The following DCC variants were observed in gnomAD, a reference collection of about 807,000 sequenced individuals.
The protein encoded by DCC is netrin receptor DCC.
A neutral mutation model predicts 172.5 loss-of-function variants in DCC; 58 were observed. That is an observed-to-expected ratio of 0.34 (90% CI 0.27 to 0.42). The LOEUF (loss-of-function observed/expected upper bound fraction) is 0.42. Ranked by LOEUF, DCC falls within the 10% of genes least tolerant of loss-of-function variation. The probability of loss-of-function intolerance (pLI) is 1.00; values close to 1 mark genes in which losing one functional copy is unlikely to be tolerated. For synonymous variants in DCC, 709 were observed against 644.5 expected, an observed-to-expected ratio of 1.10 and a Z score of -1.52; for missense variants, 1,740 against 1,791.0, an observed-to-expected ratio of 0.97 and a Z score of 0.51.
intron 1 of DCC, among the ~76,000 whole-genome samples, chr18:52,677,365 G>C (rs1034988126): frequency 2.0e-5 from 3 of 152,070 alleles, no homozygotes; most frequent in African/African-American, 7.2e-5. Context: ...TGTTCTTGAG[G>C]CTGTTGTGAG....
rs2042766138 is a variant in DCC at position 53,079,278 on chromosome 18, C to T, written c.1261+13112C>T. Reference sequence around the variant, plus strand: ...CATGTCCAATTTTTGACACGTAGACCACCTGCTTTCTTGTTATACTTGAGC... The same window carrying T: ...CATGTCCAATTTTTGACACGTAGACTACCTGCTTTCTTGTTATACTTGAGC... On this transcript the variant is annotated intron_variant, in intron 7 of 28. Transcript: ENST00000442544. Among the ~76,000 whole-genome samples, 3 of 151,926 alleles carry T rather than the reference C, an allele frequency of 2.0e-5. 1 individual carries two copies. In the South Asian group the frequency reaches 6.4e-4, roughly 32 times the overall value.
At chr18:53,058,279 A>G (rs2042441475) in intron 5 of DCC, among the ~76,000 whole-genome samples, 1 of 152,168 alleles carries the variant, frequency 6.6e-6, no homozygotes, top group Non-Finnish European at 1.5e-5. Flanking sequence ...CAGAAAAGGA[A>G]TGAGAAAAAA....
intron 9 of DCC, among the ~76,000 whole-genome samples, chr18:53,199,272 G>A (rs2055498284): frequency 1.3e-5 from 2 of 151,812 alleles, no homozygotes; most frequent in Admixed American, 1.3e-4. Flanking sequence ...TGTATTCTTA[G>A]TAGAGATGGA....
chr18:52,656,178 A>C (rs2035250979), intron 1 of DCC, among the ~76,000 whole-genome samples: 1 of 151,258 alleles, frequency 6.6e-6, no homozygotes, highest in Non-Finnish European at 1.5e-5. Context: ...GTTCCACCAA[A>C]ATTCATATGT....
chr18:52,819,343 A>C (rs1156811342), intron 2 of DCC, among the ~76,000 whole-genome samples: 1 of 152,248 alleles, frequency 6.6e-6, no homozygotes, highest in Non-Finnish European at 1.5e-5. Flanking sequence ...CTCAATTATA[A>C]AGATTGTGCC....
rs150012121 is a variant in DCC, at chr18:53,157,948, T to C, written c.1418+436T>C. Among the ~76,000 whole-genome samples the C allele has an allele frequency of 6.4e-3, 975 of 152,234 alleles. 4 individuals are homozygous for C. Among genetic ancestry groups the C allele is most frequent in the Non-Finnish European group, 1.0e-2 (679 of 68,028 alleles). ...TTAATAAGGAGAAATTAATAATACCTACCTTAAAATATACAATAAAGTGTA... is the reference window on the plus strand; with the variant it reads ...TTAATAAGGAGAAATTAATAATACCCACCTTAAAATATACAATAAAGTGTA... On this transcript the variant is annotated intron_variant, in intron 8 of 28. Coordinates refer to ENST00000442544, the MANE Select transcript of DCC (RefSeq NM_005215.4).
intron 15 of DCC, 140 bp downstream of exon 15, chr18:53,340,047 TACACACACAC>T: frequency 6.8e-6 from 4 of 591,346 alleles, no homozygotes; most frequent in Non-Finnish European, 1.2e-5. Context: ...ACTGTCTATC[TACACACACAC>T]ACACACACAC....
intron 21 of DCC, among the ~76,000 whole-genome samples, chr18:53,420,044 C>T (rs145851671): frequency 7.0e-4 from 107 of 152,012 alleles, no homozygotes; most frequent in African/African-American, 2.5e-3. Flanking sequence ...TTAGTAGAGA[C>T]AGGATTTCAC....
intron 7 of DCC, among the ~76,000 whole-genome samples, chr18:53,144,940 T>A (rs1362334818): frequency 6.6e-6 from 1 of 152,004 alleles, no homozygotes; most frequent in Non-Finnish European, 1.5e-5. Flanking sequence ...ATTGCTTTTA[T>A]CCCCTAATTC....
chr18:53,057,483 T>C (rs559644439), intron 5 of DCC, among the ~76,000 whole-genome samples: 2 of 152,162 alleles, frequency 1.3e-5, no homozygotes, highest in East Asian at 3.9e-4. Flanking sequence ...CAGCCCCCCA[T>C]AAAAATGATT....
intron 7 of DCC, among the ~76,000 whole-genome samples, chr18:53,072,604 T>C (rs1013948200): frequency 3.3e-5 from 5 of 152,306 alleles, no homozygotes; most frequent in African/African-American, 1.2e-4. Context: ...GTGGCATAAA[T>C]GCGTGAAGAC....
intron 15 of DCC, among the ~76,000 whole-genome samples, chr18:53,365,107 G>A (rs1289490229): frequency 6.7e-6 from 1 of 149,984 alleles, no homozygotes; most frequent in Non-Finnish European, 1.5e-5. Context: ...CCTGGTGTGC[G>A]ATGTCCCCCT....
At chr18:53,049,782 G>A (rs11665300) in intron 5 of DCC, among the ~76,000 whole-genome samples, 4,184 of 151,978 alleles carry the variant, frequency 0.028, 97 homozygotes, top group Middle Eastern at 0.086. Flanking sequence ...ATTGCTTTGC[G>A]CAATGTACTA....
intron 1 of DCC, among the ~76,000 whole-genome samples, chr18:52,695,415 T>G (rs1040458693): frequency 1.3e-5 from 2 of 152,218 alleles, no homozygotes; most frequent in Admixed American, 6.5e-5. Context: ...TAGAGAGGGT[T>G]GAAGAGCAGA....
intron 5 of DCC, among the ~76,000 whole-genome samples, chr18:53,054,282 C>T (rs904756393): frequency 6.6e-6 from 1 of 151,768 alleles, no homozygotes; most frequent in Non-Finnish European, 1.5e-5. Context: ...ATATGAAGGA[C>T]CAGCTATATA....
At chr18:52,767,978 G>A (rs1298565500) in intron 2 of DCC, among the ~76,000 whole-genome samples, 2 of 152,212 alleles carry the variant, frequency 1.3e-5, no homozygotes, top group East Asian at 1.9e-4. Flanking sequence ...CAATAACAAG[G>A]AGGATTACAA....
At chr18:53,451,606 T>C (rs772268110) in intron 23 of DCC, among the ~76,000 whole-genome samples, 1 of 152,198 alleles carries the variant, frequency 6.6e-6, no homozygotes, top group Non-Finnish European at 1.5e-5. Context: ...GCCTGAGGTA[T>C]GGGTTCATAG....
intron 1 of DCC, among the ~76,000 whole-genome samples, chr18:52,441,241 G>A (rs547632986): frequency 6.6e-6 from 1 of 152,246 alleles, no homozygotes; most frequent in South Asian, 2.1e-4. Context: ...CTTACAGCAT[G>A]ATACTGAATC....
chr18:52,995,193 C>T (rs2145629337), intron 5 of DCC, among the ~76,000 whole-genome samples: 1 of 152,200 alleles, frequency 6.6e-6, no homozygotes, highest in East Asian at 1.9e-4. Flanking sequence ...CTATTTATTG[C>T]TTTGTCAACA....
Sources: allele counts gnomAD v4.1 joint callset (sites outside exome capture counted in the v4.1 genomes callset), GRCh38; gene constraint gnomAD v4.1.1; transcripts MANE v1.5; gene names NCBI Gene and HGNC (gene_info 2026-07-23, HGNC 2026-07-21).